The following PAPSS2 variants were observed in gnomAD, a reference collection of about 807,000 sequenced individuals.
The protein encoded by PAPSS2 is bifunctional 3'-phosphoadenosine 5'-phosphosulfate synthase 2.
Under a neutral mutation model 66.5 loss-of-function variants are expected in PAPSS2, and 61 were observed. The observed-to-expected ratio is 0.92, with a 90% confidence interval of 0.75 to 1.14. The LOEUF is 1.14. PAPSS2 is among the 50% of genes most tolerant of loss of function. The probability of loss-of-function intolerance (pLI) is 0.00; values close to 1 mark genes in which losing one functional copy is unlikely to be tolerated. For synonymous variants in PAPSS2, 289 were observed against 287.5 expected, an observed-to-expected ratio of 1.01 and a Z score of -0.05; for missense variants, 708 against 789.6, an observed-to-expected ratio of 0.90 and a Z score of 1.24.
Position 87,715,008 on chromosome 10 carries a change from C to T in PAPSS2, c.663C>T (p.Ile221=). The T allele has an allele frequency of 1.2e-6, 2 of 1,611,278 alleles. No homozygotes were observed. Among genetic ancestry groups the T allele is most frequent in the Non-Finnish European group, 1.7e-6 (2 of 1,177,502 alleles). The change falls in exon 6 of 13, where the codon ATC becomes ATT. Residue 221 remains isoleucine (I), a synonymous_variant. Transcript: ENST00000456849. ...AGAACATTGTACCCTATACTATAATCAAAGATATCCACGAACTCTTTGTGC... is the reference window on the plus strand; with the variant it reads ...AGAACATTGTACCCTATACTATAATTAAAGATATCCACGAACTCTTTGTGC... ...QEQNIVPYTI[I]KDIHELFVPE... is the part of the protein sequence containing the mutation.
chr10:87,741,386 T>G lies in PAPSS2; in HGVS notation c.1222+16T>G, dbSNP rs1406010661. On this transcript the variant is annotated intron_variant, in intron 10 of 12. Transcript: ENST00000456849. ...ATGAATGCTGGTATGTAAACTGTTC[T>G]TAGTGCATTTTATTTATTTATTTAT... 6.3e-7 allele frequency: 1 copy of G among 1,599,684 alleles called. No individual in the cohort carries two copies. Among genetic ancestry groups the G allele is most frequent in the Non-Finnish European group, 8.6e-7 (1 of 1,167,216 alleles).
At chr10:87,738,469 C>T (rs973531726) in intron 9 of PAPSS2, among the ~76,000 whole-genome samples, 7 of 151,892 alleles carry the variant, frequency 4.6e-5, no homozygotes, top group Non-Finnish European at 5.9e-5. Context: ...AGTGCAGTGA[C>T]GCAATCATGG....
chr10:87,694,288 G>A (rs1415317463), intron 1 of PAPSS2, among the ~76,000 whole-genome samples: 2 of 152,170 alleles, frequency 1.3e-5, no homozygotes, highest in Non-Finnish European at 2.9e-5. Flanking sequence ...AGCTGTATAA[G>A]CTATGGCCCC....
chr10:87,680,590 T>G (rs1176164467), intron 1 of PAPSS2, among the ~76,000 whole-genome samples: 1 of 151,584 alleles, frequency 6.6e-6, no homozygotes, highest in Non-Finnish European at 1.5e-5. Context: ...ACCCATATTT[T>G]TAAACTTTTA....
At chr10:87,675,059 C>G (rs1212948500) in intron 1 of PAPSS2, among the ~76,000 whole-genome samples, 2 of 152,168 alleles carry the variant, frequency 1.3e-5, no homozygotes, top group Non-Finnish European at 2.9e-5. Flanking sequence ...GATCTTATGC[C>G]CTGTTGGCTA....
At chr10:87,716,641 T>C (rs949446259) in intron 7 of PAPSS2, among the ~76,000 whole-genome samples, 2 of 152,128 alleles carry the variant, frequency 1.3e-5, no homozygotes, top group African/African-American at 4.8e-5. Flanking sequence ...ATGCTCTTTT[T>C]TGGGAGAGGT....
intron 1 of PAPSS2, among the ~76,000 whole-genome samples, chr10:87,664,329 G>A (rs1025052994): frequency 6.6e-6 from 1 of 152,178 alleles, no homozygotes; most frequent in Non-Finnish European, 1.5e-5. Flanking sequence ...TCTGGTAGAG[G>A]TACCAGAGTA....
At chr10:87,683,075 CTTTTCCT>C (rs1182238127) in intron 1 of PAPSS2, among the ~76,000 whole-genome samples, 5 of 147,700 alleles carry the variant, frequency 3.4e-5, no homozygotes. Flanking sequence ...TTCTTTTTTT[CTTTTCCT>C]TTTTCTTTTT....
At chr10:87,671,927 A>G (rs12269569) in intron 1 of PAPSS2, among the ~76,000 whole-genome samples, 2,955 of 152,216 alleles carry the variant, frequency 0.019, 108 homozygotes, top group African/African-American at 0.068. Flanking sequence ...AGGAGACTCA[A>G]TTTTATGCAC....
chr10:87,702,050 A>C (rs1853325953), intron 1 of PAPSS2, among the ~76,000 whole-genome samples: 1 of 152,220 alleles, frequency 6.6e-6, no homozygotes, highest in Admixed American at 6.5e-5. Flanking sequence ...TGTATATTCA[A>C]AAGAACTAAT....
intron 1 of PAPSS2, 82 bp downstream of exon 1, chr10:87,660,090 GTC>G: frequency 7.0e-7 from 1 of 1,423,870 alleles, no homozygotes; most frequent in South Asian, 1.2e-5. Context: ...CGGCACTTGG[GTC>G]CCACCCTCCC....
chr10:87,745,508 TAGAA>T (rs1479622208), intron 12 of PAPSS2, among the ~76,000 whole-genome samples: 1 of 152,126 alleles, frequency 6.6e-6, no homozygotes. Context: ...GGAAGCAACA[TAGAA>T]AGAGATTGCA....
Position 87,745,205 on chromosome 10 carries a change from A to C in PAPSS2, c.1695A>C (p.Lys565Asn). Residue 565 changes from lysine (K) to asparagine (N), a missense_variant, in exon 12 of 13, where the codon AAA becomes AAC. Coordinates refer to ENST00000456849, the MANE Select transcript of PAPSS2 (RefSeq NM_001015880.2). ...FRVAAYNKAK[K>N]AMDFYDPARH... ...TGGCTGCCTACAACAAAGCCAAAAA[A>C]GCCATGGACTTCTATGATCCAGCAA... 1 of 1,613,670 alleles carries C rather than the reference A, an allele frequency of 6.2e-7. No homozygotes were observed. Among genetic ancestry groups the C allele is most frequent in the East Asian group, 2.2e-5 (1 of 44,824 alleles).
At chr10:87,745,339 A>G (rs1420452572) in intron 12 of PAPSS2, 108 bp downstream of exon 12, 16 of 834,762 alleles carry the variant, frequency 1.9e-5, no homozygotes, top group Non-Finnish European at 3.2e-5. Context: ...CATGCTCCCA[A>G]GTGGACTGAG....
At position 87,715,902 on chromosome 10, in the gene PAPSS2, C is replaced by T. The variant is rs182387333; in HGVS notation, c.865+59C>T. The T allele has an allele frequency of 1.3e-3, 1,488 of 1,158,046 alleles. 24 individuals are homozygous for T. The highest frequency in any genetic ancestry group is 1.0e-4 in the Non-Finnish European group (80 of 766,284). The allele number at this position is 1,158,046 out of a possible 1,614,324, so 71.7% of individuals were successfully genotyped here. A position where few individuals can be genotyped will look rare whatever the true frequency, so the allele number is the denominator to read the frequency against. On this transcript the variant is annotated intron_variant, in intron 7 of 12. Transcript: ENST00000456849. ...GTTAAGGAAAAAAAAAAATCTTTCC[C>T]AGAAGTTTTGCAGGAACAGGAAGTT...
intron 1 of PAPSS2, among the ~76,000 whole-genome samples, chr10:87,681,244 T>A (rs1564710827): frequency 1.3e-5 from 2 of 152,228 alleles, no homozygotes; most frequent in Non-Finnish European, 2.9e-5. Flanking sequence ...CTCTGTGTAT[T>A]TCTTAGAGCC....
intron 2 of PAPSS2, among the ~76,000 whole-genome samples, chr10:87,710,927 T>C (rs1303943822): frequency 1.3e-5 from 2 of 152,024 alleles, no homozygotes; most frequent in Admixed American, 1.3e-4. Flanking sequence ...CACTTGAACA[T>C]AGGAGGCAGA....
rs201422519 is a variant in PAPSS2, at chr10:87,706,029, G to GT, written c.28-3167_28-3166insT. ...TTACAGGTGTGAGCCGCCGCGTCTG[G>GT]CCAGGTTGTCTTTTTATTACTGAGT... On this transcript the variant is annotated intron_variant, in intron 1 of 12. Coordinates refer to ENST00000456849, the MANE Select transcript of PAPSS2 (RefSeq NM_001015880.2). 6.6e-3 allele frequency among the ~76,000 whole-genome samples: 939 copies of GT among 142,964 alleles called. 25 individuals carry two copies. Among genetic ancestry groups the GT allele is most frequent in the East Asian group, 0.059 (284 of 4,844 alleles). 93.8% of individuals were successfully genotyped at this position (142,964 alleles called of 152,430 possible). A position where few individuals can be genotyped will look rare whatever the true frequency, so the allele number is the denominator to read the frequency against.
rs1852824218 is a variant in PAPSS2 at position 87,667,093 on chromosome 10, A to AT, written c.27+7088dup. ...TTAATTGGTTTATCATAAGCATTGA[A>AT]TTTGTTATAAATTTTGTCTTCTTGT... is the stretch of plus-strand genomic sequence containing the variant. On this transcript the variant is annotated intron_variant, in intron 1 of 12. Coordinates refer to ENST00000456849, the MANE Select transcript of PAPSS2 (RefSeq NM_001015880.2). 2.0e-5 allele frequency among the ~76,000 whole-genome samples: 3 copies of AT among 152,192 alleles called. No individual in the cohort carries two copies. In the South Asian group the frequency reaches 6.2e-4, roughly 31 times the overall value.
Sources: allele counts gnomAD v4.1 joint callset (sites outside exome capture counted in the v4.1 genomes callset), GRCh38; gene constraint gnomAD v4.1.1; transcripts MANE v1.5; gene names NCBI Gene and HGNC (gene_info 2026-07-23, HGNC 2026-07-21).